The following ZNF385D variants were observed in gnomAD, a reference collection of about 807,000 sequenced individuals.
The protein encoded by ZNF385D is zinc finger protein 385D, also known as zinc finger protein 659.
Under a neutral mutation model 35.8 loss-of-function variants are expected in ZNF385D, and 15 were observed. The observed-to-expected ratio is 0.42, with a 90% CI of 0.28 to 0.64. The LOEUF (loss-of-function observed/expected upper bound fraction) is 0.64, where lower values mean the gene tolerates loss of function less well. Among genes scored for constraint, ZNF385D ranks in the 30% least tolerant of loss-of-function variants. The pLI is 0.23. For missense variants in ZNF385D, 474 were observed against 494.6 expected, an observed-to-expected ratio of 0.96 and a Z score of 0.39; for synonymous variants, 212 against 186.8, an observed-to-expected ratio of 1.13 and a Z score of -1.10.
Position 22,067,639 on chromosome 3 carries a change from A to G in ZNF385D, c.325+101178T>C, listed in dbSNP as rs1412106439. ...GCTGATGTATGTTATTATACAAACAAATCAACTTTTTAATGGGAAAGGATA... is the reference window on the plus strand; with the variant it reads ...GCTGATGTATGTTATTATACAAACAGATCAACTTTTTAATGGGAAAGGATA... On this transcript the variant is annotated intron_variant, in intron 3 of 5. Transcript: ENST00000494108. Among the ~76,000 whole-genome samples, 3 of 152,346 alleles carry G rather than the reference A, an allele frequency of 2.0e-5. No homozygotes were observed. The South Asian group carries it at 6.2e-4, about 32-fold the overall frequency.
intron 3 of ZNF385D, among the ~76,000 whole-genome samples, chr3:22,056,554 G>T (rs1699411157): frequency 6.6e-6 from 1 of 152,016 alleles, no homozygotes; most frequent in African/African-American, 2.4e-5. Flanking sequence ...AAACAGAAAA[G>T]AAAGTTTAAA....
chr3:22,105,359 A>G (rs563943130), intron 3 of ZNF385D, among the ~76,000 whole-genome samples: 1 of 152,066 alleles, frequency 6.6e-6, no homozygotes, highest in East Asian at 1.9e-4. Flanking sequence ...AGATAAACAC[A>G]TATATATCTA....
intron 3 of ZNF385D, among the ~76,000 whole-genome samples, chr3:22,148,076 C>T (rs1704978031): frequency 6.6e-6 from 1 of 152,216 alleles, no homozygotes; most frequent in Non-Finnish European, 1.5e-5. Flanking sequence ...TTTTATCCCA[C>T]TTTAACAACT....
intron 3 of ZNF385D, among the ~76,000 whole-genome samples, chr3:22,106,191 A>G (rs934713766): frequency 3.3e-5 from 5 of 152,136 alleles, no homozygotes; most frequent in Non-Finnish European, 5.9e-5. Flanking sequence ...TGAGTTGAAA[A>G]TCACTGCCAT....
At chr3:21,584,687 A>C (rs1248735306) in intron 2 of ZNF385D, among the ~76,000 whole-genome samples, 3 of 152,090 alleles carry the variant, frequency 2.0e-5, no homozygotes, top group African/African-American at 7.2e-5. Context: ...TATTTTCTAC[A>C]AATAATGTGT....
chr3:21,472,912 C>T (rs1222469464), intron 4 of ZNF385D, among the ~76,000 whole-genome samples: 1 of 152,086 alleles, frequency 6.6e-6, no homozygotes, highest in Non-Finnish European at 1.5e-5. Context: ...ATGTTCTTTG[C>T]TCAGATAAAT....
At chr3:22,316,503 C>T (rs896387590) in intron 2 of ZNF385D, among the ~76,000 whole-genome samples, 4 of 151,994 alleles carry the variant, frequency 2.6e-5, no homozygotes, top group African/African-American at 9.7e-5. Context: ...AATTTTTCCC[C>T]AAAAACTTTG....
Position 21,730,842 on chromosome 3 carries a change from C to G in ZNF385D, c.22+20053G>C, listed in dbSNP as rs1053669889. Among the ~76,000 whole-genome samples, 22 of 152,324 alleles carry G rather than the reference C, an allele frequency of 1.4e-4. 2 individuals are homozygous for G. The highest frequency in any genetic ancestry group is 8.5e-4 in the Admixed American group (13 of 15,308). The stretch of plus-strand genomic sequence containing the variant: ...TTATAGTGTAGATTTCTTCCCACAT[C>G]ACAAAATACAGATATGCTTATTTTG... On this transcript the variant is annotated intron_variant, in intron 1 of 7. Coordinates refer to ENST00000281523, the MANE Select transcript of ZNF385D (RefSeq NM_024697.3).
chr3:22,210,945 G>A (rs1217543408), intron 2 of ZNF385D, among the ~76,000 whole-genome samples: 1 of 151,912 alleles, frequency 6.6e-6, no homozygotes, highest in Non-Finnish European at 1.5e-5. Context: ...ACTCACATGA[G>A]TGGTACTAAA....
At chr3:21,917,611 T>C (rs1700252460) in intron 3 of ZNF385D, among the ~76,000 whole-genome samples, 1 of 152,192 alleles carries the variant, frequency 6.6e-6, no homozygotes, top group African/African-American at 2.4e-5. Flanking sequence ...TGGTTGACTA[T>C]AAACTCTCAG....
chr3:21,798,871 C>G (rs573506869), intron 3 of ZNF385D, among the ~76,000 whole-genome samples: 2 of 152,210 alleles, frequency 1.3e-5, no homozygotes, highest in South Asian at 4.2e-4. Flanking sequence ...ACTAAATTCA[C>G]AATGTTGTGC....
chr3:22,212,995 TG>T (rs1697625787), intron 2 of ZNF385D, among the ~76,000 whole-genome samples: 1 of 151,938 alleles, frequency 6.6e-6, no homozygotes, highest in African/African-American at 2.4e-5. Context: ...TATTTAGAGG[TG>T]GTGAATAAGA....
At chr3:21,860,426 T>C (rs1362172556) in intron 3 of ZNF385D, among the ~76,000 whole-genome samples, 1 of 152,148 alleles carries the variant, frequency 6.6e-6, no homozygotes. Flanking sequence ...AATCAATATG[T>C]TTGCCAAGCA....
intron 2 of ZNF385D, among the ~76,000 whole-genome samples, chr3:22,289,144 G>C (rs1309642450): frequency 6.6e-6 from 1 of 152,110 alleles, no homozygotes; most frequent in Non-Finnish European, 1.5e-5. Context: ...AAGATCTGTG[G>C]AAAATGCCTG....
At chr3:22,157,666 T>C (rs1705681316) in intron 3 of ZNF385D, among the ~76,000 whole-genome samples, 1 of 152,198 alleles carries the variant, frequency 6.6e-6, no homozygotes, top group South Asian at 2.1e-4. Flanking sequence ...TCTAACTTTT[T>C]ATACTTCTAC....
rs372739647 is a variant in ZNF385D at position 21,899,491 on chromosome 3, G to A, written c.326-234463C>T. Among the ~76,000 whole-genome samples the A allele has an allele frequency of 4.6e-5, 7 of 152,070 alleles. No individual in the cohort carries two copies. In the East Asian group the frequency reaches 5.8e-4, roughly 13 times the overall value. On this transcript the variant is annotated intron_variant, in intron 3 of 5. Transcript: ENST00000494108. ...CATTCTAATTCAATATGTCTGGGAT[G>A]GAGGCTCAAAACTTTGCATTTACAA... is the stretch of plus-strand genomic sequence containing the variant.
At chr3:21,960,177 C>T (rs1024951319) in intron 3 of ZNF385D, among the ~76,000 whole-genome samples, 7 of 112,562 alleles carry the variant, frequency 6.2e-5, no homozygotes, top group African/African-American at 2.0e-4. Context: ...CCAGAATATA[C>T]AAGAAACTCA....
At chr3:21,742,049 AGTT>A (rs2069539723) in intron 1 of ZNF385D, among the ~76,000 whole-genome samples, 1 of 150,650 alleles carries the variant, frequency 6.6e-6, no homozygotes, top group Non-Finnish European at 1.5e-5. Context: ...TTTATTTCCA[AGTT>A]GTTATTTTTC....
chr3:21,818,117 G>T (rs989602325), intron 3 of ZNF385D, among the ~76,000 whole-genome samples: 1 of 148,918 alleles, frequency 6.7e-6, no homozygotes, highest in African/African-American at 2.5e-5. Flanking sequence ...TCATAGGTGG[G>T]AATTCAACAA....
Sources: gnomAD v4.1 joint callset for allele counts (sites outside exome capture counted in the v4.1 genomes callset) on GRCh38, gnomAD v4.1.1 for gene constraint, MANE v1.5 for transcripts, NCBI Gene and HGNC (gene_info 2026-07-23, HGNC 2026-07-21) for gene names.